Variants in MAST4 observed in about 807,000 individuals in gnomAD.
MAST4 encodes the protein microtubule-associated serine/threonine-protein kinase 4.
A neutral mutation model predicts 162.7 loss-of-function variants in MAST4; 89 were observed. The ratio of observed to expected loss-of-function variants is 0.55; its 90% CI spans 0.46 to 0.65. The LOEUF is 0.65. Ranked by LOEUF, MAST4 falls within the 30% of genes least tolerant of loss-of-function variation. MAST4 has a pLI of 0.00. For synonymous variants in MAST4, 1,479 were observed against 1,361.1 expected, an observed-to-expected ratio of 1.09 and a Z score of -1.91; for missense variants, 3,153 against 3,374.0, an observed-to-expected ratio of 0.93 and a Z score of 1.62.
chr5:67,082,595 TG>T (rs1340782760), intron 5 of MAST4, among the ~76,000 whole-genome samples: 2 of 152,178 alleles, frequency 1.3e-5, no homozygotes, highest in Non-Finnish European at 2.9e-5. Flanking sequence ...GGACATTATT[TG>T]GACAATTGGT....
chr5:67,046,999 CT>C (rs376787565), intron 4 of MAST4, among the ~76,000 whole-genome samples: 3 of 152,340 alleles, frequency 2.0e-5, no homozygotes, highest in African/African-American at 7.2e-5. Flanking sequence ...GGCACTCAGG[CT>C]GATAGTATCA....
chr5:66,608,269 T>C (rs967492522), intron 1 of MAST4, among the ~76,000 whole-genome samples: 2 of 150,262 alleles, frequency 1.3e-5, no homozygotes, highest in African/African-American at 4.9e-5. Flanking sequence ...TTGGCCAGGC[T>C]GGTCTCAAGC....
chr5:67,164,734 A>G lies in MAST4; in HGVS notation c.5555A>G (p.Asp1852Gly), dbSNP rs1264695533. 1.9e-6 allele frequency: 3 copies of G among 1,613,916 alleles called. No homozygotes were observed. The highest frequency in any genetic ancestry group is 1.7e-6 in the Non-Finnish European group (2 of 1,179,914). The change falls in exon 29 of 29, where the codon GAT (aspartate) becomes GGT (glycine). Residue 1852 changes from aspartate to glycine, a missense_variant. By Grantham distance (94) the Asp-to-Gly change is moderately conservative. Around this residue, in one of 7 missense-constraint regions of MAST4, gnomAD observed 1,644 missense variants for 1,495.0 expected, o/e 1.10. Transcript: ENST00000403625. The surrounding 1 kb of genome is among the most constrained non-coding windows in gnomAD (Gnocchi z 5.3). ...VLPSSSGKKNDTTSARELSPS... is the reference protein window; with the variant it reads ...VLPSSSGKKNGTTSARELSPS... Reference sequence around the variant, plus strand: ...CCCAGCAGCAGTGGGAAAAAGAACGATACCACCAGTGCAAGAGAGCTTTCT... The same window carrying G: ...CCCAGCAGCAGTGGGAAAAAGAACGGTACCACCAGTGCAAGAGAGCTTTCT...
intron 3 of MAST4, among the ~76,000 whole-genome samples, chr5:66,845,131 A>G (rs1332998679): frequency 1.4e-5 from 2 of 143,330 alleles, no homozygotes; most frequent in Non-Finnish European, 3.0e-5. Context: ...ATATATACAC[A>G]CACACACTTG....
At chr5:66,965,411 A>G (rs1160134221) in intron 4 of MAST4, among the ~76,000 whole-genome samples, 3 of 151,938 alleles carry the variant, frequency 2.0e-5, no homozygotes, top group East Asian at 3.9e-4. Context: ...AGGCTATTCA[A>G]TATGAAGATG....
At chr5:66,921,522 C>T (rs1346775297) in intron 4 of MAST4, among the ~76,000 whole-genome samples, 5 of 152,104 alleles carry the variant, frequency 3.3e-5, no homozygotes, top group East Asian at 1.9e-4. Flanking sequence ...TTTGGAAGGC[C>T]GAGTCAGGCA....
chr5:67,066,474 A>G (rs1338293732), intron 5 of MAST4, among the ~76,000 whole-genome samples: 1 of 151,496 alleles, frequency 6.6e-6, no homozygotes, highest in Non-Finnish European at 1.5e-5. Flanking sequence ...TATGATCATA[A>G]ATATAATTTT....
intron 4 of MAST4, among the ~76,000 whole-genome samples, chr5:67,013,871 C>T (rs62372483): frequency 0.04 from 6,088 of 152,120 alleles, 167 homozygotes; most frequent in Middle Eastern, 0.068. Context: ...GTAAATGAAG[C>T]CTTTGTTACT....
At position 67,131,128 on chromosome 5, in the gene MAST4, G is replaced by A. The variant is rs141809434; in HGVS notation, c.1955-685G>A. 7.9e-3 allele frequency among the ~76,000 whole-genome samples: 1,208 copies of A among 151,996 alleles called. 19 individuals are homozygous for A. The highest frequency in any genetic ancestry group is 0.028 in the African/African-American group (1,143 of 41,482). ...TAACCTTTGCATTTCATAGATGAGC[G>A]AAATAAAGTCCAAGAAAGGAAGACT... On this transcript the variant is annotated intron_variant, in intron 15 of 28. Coordinates refer to ENST00000403625, the MANE Select transcript of MAST4 (RefSeq NM_001164664.2).
chr5:66,849,122 T>A (rs1031514326), intron 3 of MAST4, among the ~76,000 whole-genome samples: 4 of 152,156 alleles, frequency 2.6e-5, no homozygotes, highest in African/African-American at 9.7e-5. Flanking sequence ...CCTTTATGCA[T>A]CTTTGTATTG....
At chr5:66,780,784 C>T (rs1266757320) in intron 2 of MAST4, among the ~76,000 whole-genome samples, 1 of 152,142 alleles carries the variant, frequency 6.6e-6, no homozygotes, top group Admixed American at 6.5e-5. Context: ...GTTTACAGTC[C>T]TTTAGCTAGA....
intron 11 of MAST4, among the ~76,000 whole-genome samples, chr5:67,111,574 G>A (rs1766253147): frequency 6.6e-6 from 1 of 152,186 alleles, no homozygotes; most frequent in African/African-American, 2.4e-5. Flanking sequence ...AGAACTGGGT[G>A]ACTGATAAAT....
intron 3 of MAST4, among the ~76,000 whole-genome samples, chr5:66,877,042 C>T (rs973502879): frequency 6.6e-6 from 1 of 152,094 alleles, no homozygotes; most frequent in Non-Finnish European, 1.5e-5. Context: ...GAATATCCAT[C>T]AGATATAGAG....
chr5:66,606,778 A>G (rs2149388097), intron 1 of MAST4, among the ~76,000 whole-genome samples: 1 of 152,300 alleles, frequency 6.6e-6, no homozygotes, highest in South Asian at 2.1e-4. Context: ...ATAGTGGGTA[A>G]AAATAATACA....
intron 4 of MAST4, among the ~76,000 whole-genome samples, chr5:66,936,948 T>C (rs1742812248): frequency 6.6e-6 from 1 of 152,176 alleles, no homozygotes; most frequent in Admixed American, 6.6e-5. Context: ...CTGGATGCCC[T>C]CTCTCCTCCT....
intron 4 of MAST4, among the ~76,000 whole-genome samples, chr5:66,904,247 C>T (rs1306784411): frequency 6.6e-6 from 1 of 152,168 alleles, no homozygotes; most frequent in Non-Finnish European, 1.5e-5. Context: ...GTGTCCCTGG[C>T]AGCCACTATT....
At chr5:66,975,447 A>G (rs1324665652) in intron 4 of MAST4, among the ~76,000 whole-genome samples, 1 of 152,154 alleles carries the variant, frequency 6.6e-6, no homozygotes, top group Non-Finnish European at 1.5e-5. Flanking sequence ...CCAGTGACTT[A>G]AACCAGCTTT....
chr5:66,850,866 T>G (rs1759255282), intron 3 of MAST4, among the ~76,000 whole-genome samples: 1 of 152,068 alleles, frequency 6.6e-6, no homozygotes, highest in African/African-American at 2.4e-5. Context: ...TATCCTTCAG[T>G]GTGTCTTCTG....
intron 1 of MAST4, among the ~76,000 whole-genome samples, chr5:66,723,577 C>T (rs540416222): frequency 6.4e-4 from 98 of 152,136 alleles, no homozygotes; most frequent in Non-Finnish European, 1.2e-3. Flanking sequence ...GATCACATAT[C>T]GAGATGAGAA....
Sources: gnomAD v4.1 joint callset for allele counts (sites outside exome capture counted in the v4.1 genomes callset) on GRCh38, gnomAD v4.1.1 for gene constraint, gnomAD v4.1.1 regional missense constraint, Gnocchi (gnomAD v3.1) non-coding constraint, MANE v1.5 for transcripts, NCBI Gene and HGNC (gene_info 2026-07-23, HGNC 2026-07-21) for gene names.